TLE5: variants seen among roughly 807,000 people sequenced by gnomAD.
The protein encoded by TLE5 is TLE family member 5.
A neutral mutation model predicts 25.8 loss-of-function variants in TLE5; 7 were observed. The observed-to-expected ratio is 0.27, with a 90% CI of 0.15 to 0.51. TLE5 has a LOEUF of 0.51. Ranked by LOEUF, TLE5 falls within the 20% of genes least tolerant of loss-of-function variation. The pLI is 0.97. For synonymous variants in TLE5, 132 were observed against 110.5 expected (o/e 1.20, Z -1.22); for missense variants, 149 against 250.7 (o/e 0.59, Z 2.74).
intron 2 of TLE5, among the ~76,000 whole-genome samples, chr19:3,060,333 T>C (rs1440878939): frequency 8.3e-5 from 11 of 132,142 alleles, no homozygotes; most frequent in South Asian, 5.0e-4. Context: ...TCTTTCTTTT[T>C]TTTTTTTTTT....
chr19:3,057,269 A>G (rs992997028), intron 3 of TLE5, among the ~76,000 whole-genome samples: 3 of 152,214 alleles, frequency 2.0e-5, no homozygotes, highest in Non-Finnish European at 4.4e-5. Flanking sequence ...ACCCCCTCCC[A>G]CAGGCTTCTT....
At chr19:3,062,075 CG>C in intron 1 of TLE5, 98 bp downstream of exon 1, 2 of 330,498 alleles carry the variant, frequency 6.1e-6, no homozygotes, top group Non-Finnish European at 7.0e-6. Flanking sequence ...CCGGAGGCAC[CG>C]GGCCTGGGGG....
intron 3 of TLE5, chr19:3,056,790 A>G: frequency 3.9e-6 from 1 of 255,102 alleles, no homozygotes; most frequent in Non-Finnish European, 7.9e-6. Flanking sequence ...CTCTGGGGCC[A>G]GCAGCTACCC....
chr19:3,056,722 C>A, intron 3 of TLE5: 2 of 389,410 alleles, frequency 5.1e-6, no homozygotes, highest in Non-Finnish European at 1.0e-5. Flanking sequence ...TGGGCCCAGA[C>A]GCCAGGGAAG....
At chr19:3,054,086 T>TCGGGGGGGGGGGGCC in intron 6 of TLE5, 34 bp downstream of exon 6, 24 of 1,512,678 alleles carry the variant, frequency 1.6e-5, no homozygotes, top group Non-Finnish European at 2.0e-5. Context: ...GGCCCACCTG[T>TCGGGGGGGGGGGGCC]CCCCCGCCCA....
chr19:3,060,055 G>C (rs972657191), intron 2 of TLE5, among the ~76,000 whole-genome samples: 3 of 152,106 alleles, frequency 2.0e-5, no homozygotes, highest in African/African-American at 7.2e-5. Flanking sequence ...CTACTTGGAG[G>C]AAATCCAGGA....
intron 1 of TLE5, 80 bp downstream of exon 1, chr19:3,062,094 G>GA: frequency 1.4e-6 from 1 of 728,926 alleles, no homozygotes; most frequent in Non-Finnish European, 1.7e-6. Flanking sequence ...GGGTTGGGGG[G>GA]CGCGGGGCCG....
intron 3 of TLE5, 95 bp downstream of exon 3, chr19:3,057,584 G>T (rs1185936969): frequency 1.6e-6 from 2 of 1,230,494 alleles, no homozygotes; most frequent in East Asian, 2.3e-5. Flanking sequence ...AGGGGAGGTG[G>T]CCGGGGTTGA....
chr19:3,054,530 G>A (rs2145254766), intron 5 of TLE5: 1 of 446,610 alleles, frequency 2.2e-6, no homozygotes, highest in East Asian at 4.3e-5. Flanking sequence ...CACCTGCAAA[G>A]ATGTGAAACA....
chr19:3,056,656 G>A (rs749064098), intron 3 of TLE5: 7 of 607,666 alleles, frequency 1.2e-5, no homozygotes, highest in African/African-American at 3.7e-5. Flanking sequence ...TGTGCACCGC[G>A]AGAACACGCA....
upstream of TLE5, chr19:3,062,611 G>A: frequency 1.8e-6 from 2 of 1,097,660 alleles, no homozygotes; most frequent in Non-Finnish European, 2.2e-6. Context: ...TCCCCACGCC[G>A]GCCCGCCTCC....
At position 3,053,768 on chromosome 19, in the gene TLE5, C is replaced by T; in HGVS notation, c.*51G>A. The T allele has an allele frequency of 1.3e-6, 2 of 1,562,014 alleles. No homozygotes were observed. Among genetic ancestry groups the T allele is most frequent in the East Asian group, 2.2e-5 (1 of 44,456 alleles). Reference sequence around the variant, plus strand: ...TGCTAAACATTCCTTTCTCTCCGTGCCTCTGTCTCCCCTCTGTCCCCCCTC... The same window carrying T: ...TGCTAAACATTCCTTTCTCTCCGTGTCTCTGTCTCCCCTCTGTCCCCCCTC... On this transcript the variant is annotated 3_prime_UTR_variant, in exon 7 of 7. Coordinates refer to ENST00000327141, the MANE Select transcript of TLE5 (RefSeq NM_001130.6).
chr19:3,055,584 A>T (rs1045651401), intron 5 of TLE5, 80 bp downstream of exon 5: 3 of 1,368,562 alleles, frequency 2.2e-6, no homozygotes, highest in Non-Finnish European at 2.0e-6. Flanking sequence ...CCAGCACACC[A>T]CCCAAGATGG....
At chr19:3,059,617 T>C (rs1167163049) in intron 2 of TLE5, among the ~76,000 whole-genome samples, 2 of 152,234 alleles carry the variant, frequency 1.3e-5, no homozygotes, top group Non-Finnish European at 2.9e-5. Context: ...CAGGGGCTGT[T>C]ACGCCTCGAA....
Position 3,062,456 on chromosome 19 carries a change from G to T in TLE5, c.-256C>A, listed in dbSNP as rs1599276673. On this transcript the variant is annotated 5_prime_UTR_variant, in exon 1 of 7. Transcript: ENST00000327141. ...CCCGCCGCCCGCCTCCCCGCTCCCCGGCCCCACCGCTATTGTCTAATGGCG... is the reference window on the plus strand; with the variant it reads ...CCCGCCGCCCGCCTCCCCGCTCCCCTGCCCCACCGCTATTGTCTAATGGCG... The T allele has an allele frequency of 2.0e-6, 1 of 506,984 alleles. No individual in the cohort carries two copies. Among genetic ancestry groups the T allele is most frequent in the Non-Finnish European group, 2.4e-6 (1 of 419,052 alleles). 31.4% of individuals were successfully genotyped at this position (506,984 alleles called of 1,614,324 possible). A position where few individuals can be genotyped will look rare whatever the true frequency, so the allele number is the denominator to read the frequency against.
At chr19:3,062,763 C>T (rs1037538665), upstream of TLE5, 18 of 1,547,656 alleles carry the variant, frequency 1.2e-5, no homozygotes, top group Admixed American at 4.0e-5. Flanking sequence ...CTGCCCGCGT[C>T]GAAGCCGCCG....
chr19:3,057,343 C>T (rs55982496), intron 3 of TLE5: 98,919 of 341,060 alleles, frequency 0.29, 16,394 homozygotes, highest in Non-Finnish European at 0.36. Context: ...TGGGGAGGGA[C>T]TCGGCTGCTC....
At position 3,053,218 on chromosome 19, in the gene TLE5, C is replaced by T. The variant is rs964310019; in HGVS notation, c.*601G>A. ...GGGAATCCTGGGTCGCCCACCCTCA[C>T]CCTGCTCCTCCCAGCTCAGCTAAGC... is the stretch of plus-strand genomic sequence containing the variant. On this transcript the variant is annotated 3_prime_UTR_variant, in exon 7 of 7. Transcript: ENST00000327141. 1.3e-5 allele frequency: 2 copies of T among 152,544 alleles called. No homozygotes were observed. Among genetic ancestry groups the T allele is most frequent in the African/African-American group, 4.8e-5 (2 of 41,438 alleles). 9.4% of individuals were successfully genotyped at this position (152,544 alleles called of 1,614,324 possible). A position where few individuals can be genotyped will look rare whatever the true frequency, so the allele number is the denominator to read the frequency against.
At chr19:3,055,622 C>G (rs745406078) in intron 5 of TLE5, 42 bp downstream of exon 5, 1 of 1,548,596 alleles carries the variant, frequency 6.5e-7, no homozygotes, top group East Asian at 2.3e-5. Flanking sequence ...TGGGCAAGTG[C>G]GGGGCCCCCT....
Sources: allele counts gnomAD v4.1 joint callset (sites outside exome capture counted in the v4.1 genomes callset), GRCh38; gene constraint gnomAD v4.1.1; transcripts MANE v1.5; gene names NCBI Gene and HGNC (gene_info 2026-07-23, HGNC 2026-07-21).